The following EPHA6 variants were observed in gnomAD, a reference collection of about 807,000 sequenced individuals.
EPHA6 encodes ephrin type-A receptor 6.
In EPHA6, 50 loss-of-function variants were observed where a neutral mutation model predicts 112.0. The ratio of observed to expected loss-of-function variants is 0.45; its 90% confidence interval spans 0.36 to 0.56. The LOEUF (loss-of-function observed/expected upper bound fraction) is 0.56, where lower values mean the gene tolerates loss of function less well. EPHA6 is among the 20% of genes least tolerant of loss of function. The pLI, the probability that EPHA6 is intolerant of heterozygous loss-of-function variation, is 0.00. For missense variants in EPHA6, 1,280 were observed against 1,417.4 expected, an observed-to-expected ratio of 0.90 and a Z score of 1.56; for synonymous variants, 529 against 490.7, an observed-to-expected ratio of 1.08 and a Z score of -1.03.
At chr3:97,533,661 C>G (rs536158053) in intron 11 of EPHA6, among the ~76,000 whole-genome samples, 2 of 152,118 alleles carry the variant, frequency 1.3e-5, no homozygotes, top group East Asian at 3.9e-4. Context: ...AAGTGTGATG[C>G]AAGTAAAGGC....
intron 11 of EPHA6, among the ~76,000 whole-genome samples, chr3:97,566,552 A>G (rs1305297352): frequency 6.6e-6 from 1 of 152,136 alleles, no homozygotes; most frequent in Non-Finnish European, 1.5e-5. Flanking sequence ...AACTTTATGT[A>G]TTTATTATCC....
intron 3 of EPHA6, among the ~76,000 whole-genome samples, chr3:97,171,512 A>G (rs892169056): frequency 1.3e-5 from 2 of 152,114 alleles, no homozygotes; most frequent in African/African-American, 4.8e-5. Flanking sequence ...TGCAACAGGT[A>G]TTATAAAGAT....
chr3:97,318,936 A>G (rs2081973240), intron 5 of EPHA6, among the ~76,000 whole-genome samples: 1 of 151,932 alleles, frequency 6.6e-6, no homozygotes, highest in South Asian at 2.1e-4. Flanking sequence ...AATGAACAAC[A>G]TTCCAATAGT....
intron 14 of EPHA6, among the ~76,000 whole-genome samples, chr3:97,704,711 AT>A (rs1559615323): frequency 7.2e-5 from 11 of 152,064 alleles, no homozygotes. Context: ...ATTTTTCTAA[AT>A]TTTTTTATTA....
chr3:97,370,952 A>G (rs1225363555), intron 5 of EPHA6, among the ~76,000 whole-genome samples: 1 of 152,094 alleles, frequency 6.6e-6, no homozygotes, highest in Non-Finnish European at 1.5e-5. Flanking sequence ...TCTATTATCA[A>G]TCTTCTGACT....
intron 6 of EPHA6, among the ~76,000 whole-genome samples, chr3:97,437,307 C>T (rs1261032457): frequency 1.3e-5 from 2 of 152,080 alleles, no homozygotes; most frequent in Non-Finnish European, 2.9e-5. Context: ...CAATCCGCAT[C>T]CCAAAATTAG....
chr3:97,159,424 A>G (rs114406819), intron 3 of EPHA6, among the ~76,000 whole-genome samples: 1,572 of 152,286 alleles, frequency 0.01, 24 homozygotes, highest in African/African-American at 0.036. Context: ...CCAGAAGAAC[A>G]TAAGGTTGCA....
chr3:97,634,579 T>C (rs543821037), intron 13 of EPHA6, among the ~76,000 whole-genome samples: 1 of 152,216 alleles, frequency 6.6e-6, no homozygotes, highest in East Asian at 1.9e-4. Context: ...TCCAGAGTTT[T>C]GGAAGCTGAT....
intron 3 of EPHA6, among the ~76,000 whole-genome samples, chr3:97,091,781 T>C (rs1003644907): frequency 2.0e-5 from 3 of 152,188 alleles, no homozygotes; most frequent in Non-Finnish European, 4.4e-5. Flanking sequence ...AGGCCATGTA[T>C]TTTTCTTGCT....
chr3:97,427,175 C>A (rs902351140), intron 6 of EPHA6, among the ~76,000 whole-genome samples: 55 of 152,290 alleles, frequency 3.6e-4, no homozygotes, highest in African/African-American at 1.2e-3. Context: ...TTTGACCCAA[C>A]AATCCCATTA....
intron 10 of EPHA6, among the ~76,000 whole-genome samples, chr3:97,496,711 C>G (rs2091987408): frequency 6.6e-6 from 1 of 151,900 alleles, no homozygotes; most frequent in Non-Finnish European, 1.5e-5. Flanking sequence ...AGTCACTTTC[C>G]AACTCTATGA....
At chr3:97,115,362 G>A (rs1249225017) in intron 3 of EPHA6, among the ~76,000 whole-genome samples, 2 of 150,634 alleles carry the variant, frequency 1.3e-5, no homozygotes, top group Non-Finnish European at 3.0e-5. Flanking sequence ...TTATTACCAG[G>A]TGAAAGAAAA....
intron 3 of EPHA6, among the ~76,000 whole-genome samples, chr3:97,218,766 A>G (rs1003808038): frequency 2.0e-5 from 3 of 152,148 alleles, no homozygotes; most frequent in Non-Finnish European, 4.4e-5. Context: ...ACTGTCCCCC[A>G]AAGTTGTAAT....
intron 5 of EPHA6, among the ~76,000 whole-genome samples, chr3:97,269,681 A>AT (rs1445507588): frequency 6.6e-6 from 1 of 152,160 alleles, no homozygotes; most frequent in Non-Finnish European, 1.5e-5. Flanking sequence ...GAGCATCAGA[A>AT]TTTTTTTGTT....
intron 3 of EPHA6, among the ~76,000 whole-genome samples, chr3:97,210,400 G>A (rs2077836255): frequency 6.6e-6 from 1 of 152,038 alleles, no homozygotes; most frequent in Non-Finnish European, 1.5e-5. Flanking sequence ...ACCATCACAA[G>A]AACAGCATGA....
chr3:96,899,695 A>G (rs1391831386), intron 2 of EPHA6, among the ~76,000 whole-genome samples: 6 of 152,184 alleles, frequency 3.9e-5, no homozygotes, highest in Non-Finnish European at 8.8e-5. Flanking sequence ...TGGTAAAACA[A>G]TTAACTGTTT....
intron 14 of EPHA6, among the ~76,000 whole-genome samples, chr3:97,715,447 A>G (rs1559622725): frequency 6.6e-6 from 1 of 152,238 alleles, no homozygotes; most frequent in East Asian, 1.9e-4. Context: ...TTAGTATAAT[A>G]TATACTCATT....
At chr3:96,973,268 G>C (rs1197550190) in intron 2 of EPHA6, among the ~76,000 whole-genome samples, 1 of 152,118 alleles carries the variant, frequency 6.6e-6, no homozygotes, top group Non-Finnish European at 1.5e-5. Context: ...ATTCACTTCA[G>C]ATGATACAGC....
chr3:97,170,022 T>C (rs2076655486), intron 3 of EPHA6, among the ~76,000 whole-genome samples: 1 of 151,748 alleles, frequency 6.6e-6, no homozygotes, highest in Non-Finnish European at 1.5e-5. Context: ...ATGTGGGGCT[T>C]ACAACCTAGA....
Sources: gnomAD v4.1 joint callset for allele counts (sites outside exome capture counted in the v4.1 genomes callset) on GRCh38, gnomAD v4.1.1 for gene constraint, MANE v1.5 for transcripts, NCBI Gene and HGNC (gene_info 2026-07-23, HGNC 2026-07-21) for gene names.